Variants in FAH observed in about 807,000 individuals in gnomAD.
FAH encodes the protein fumarylacetoacetase.
FAH carries 47 observed loss-of-function variants against 55.8 expected under a neutral mutation model. The observed-to-expected ratio is 0.84, with a 90% CI of 0.67 to 1.07. The LOEUF (loss-of-function observed/expected upper bound fraction) is 1.07, where lower values mean the gene tolerates loss of function less well. FAH is among the 50% of genes least tolerant of loss of function. FAH has a pLI of 0.00. For missense variants in FAH, 495 were observed against 545.9 expected (o/e 0.91, Z 0.93); for synonymous variants, 199 against 207.7 (o/e 0.96, Z 0.36).
chr15:80,178,828 T>G (rs2041306180), intron 11 of FAH, among the ~76,000 whole-genome samples: 1 of 152,072 alleles, frequency 6.6e-6, no homozygotes, highest in South Asian at 2.1e-4. Context: ...GACCTTGTGA[T>G]CCGCCCGCCT....
At chr15:80,171,971 C>T (rs2041244729) in intron 7 of FAH, among the ~76,000 whole-genome samples, 178 bp from the exon 8 acceptor site, 1 of 152,214 alleles carries the variant, frequency 6.6e-6, no homozygotes, top group African/African-American at 2.4e-5. Flanking sequence ...CTGCACTCTG[C>T]TTTCCTGAGG....
At chr15:80,182,705 G>A (rs2041341241) in intron 13 of FAH, among the ~76,000 whole-genome samples, 1 of 152,194 alleles carries the variant, frequency 6.6e-6, no homozygotes, top group Non-Finnish European at 1.5e-5. Flanking sequence ...CTGATAGAAG[G>A]CAGGTTACTT....
rs1248500870 is a variant in FAH at position 80,158,140 on chromosome 15, C to T, written c.162C>T (p.Val54=). The change falls in exon 2 of 14, where the codon GTC becomes GTT. Residue 54 remains valine, a synonymous_variant. Transcript: ENST00000561421. ...SIIKHLFTGP[V]LSKHQDVFNQ... ...TCAAGCACCTCTTTACTGGTCCTGTCCTCTCCAAACACCAGGATGTCTTCA... is the reference window on the plus strand; with the variant it reads ...TCAAGCACCTCTTTACTGGTCCTGTTCTCTCCAAACACCAGGATGTCTTCA... 1.2e-6 allele frequency: 2 copies of T among 1,613,806 alleles called. No individual in the cohort carries two copies. Among genetic ancestry groups the T allele is most frequent in the African/African-American group, 2.7e-5 (2 of 74,934 alleles).
At chr15:80,174,964 G>T in intron 9 of FAH, 52 bp from the exon 10 acceptor site, 2 of 1,552,120 alleles carry the variant, frequency 1.3e-6, no homozygotes, top group Non-Finnish European at 1.8e-6. Flanking sequence ...GCCCAGCCGG[G>T]TGAGCTCAGC....
At position 80,159,802 on chromosome 15, in the gene FAH, A is replaced by T; in HGVS notation, c.239A>T (p.Glu80Val). 2 of 1,614,210 alleles carry T rather than the reference A, an allele frequency of 1.2e-6. No individual in the cohort carries two copies. The highest frequency in any genetic ancestry group is 1.7e-6 in the Non-Finnish European group (2 of 1,180,030). The change falls in exon 3 of 14, where the codon GAG becomes GTG. Residue 80 changes from glutamate (E) to valine (V), a missense_variant. Transcript: ENST00000561421. ...FMGLGQAAWKEARVFLQNLLS... is the reference protein window; with the variant it reads ...FMGLGQAAWKVARVFLQNLLS... The stretch of plus-strand genomic sequence containing the variant: ...GGCCTGGGTCAGGCTGCCTGGAAGG[A>T]GGCGAGAGTGTTCTTGCAGAACTTG...
intron 9 of FAH, 72 bp downstream of exon 9, chr15:80,173,216 G>T: frequency 2.5e-6 from 4 of 1,598,246 alleles, no homozygotes; most frequent in Non-Finnish European, 3.4e-6. Flanking sequence ...CCACTGAGTG[G>T]ACATGCCAGG....
At chr15:80,178,117 T>C (rs563912744) in intron 11 of FAH, among the ~76,000 whole-genome samples, 17 of 152,224 alleles carry the variant, frequency 1.1e-4, no homozygotes, top group African/African-American at 4.1e-4. Context: ...GGAGGATCGC[T>C]TGAGCCCAGG....
intron 2 of FAH, among the ~76,000 whole-genome samples, 157 bp from the exon 3 acceptor site, chr15:80,159,599 T>C (rs147995559): frequency 6.6e-6 from 1 of 152,284 alleles, no homozygotes; most frequent in Non-Finnish European, 1.5e-5. Context: ...TCCAGGTTGA[T>C]GAATAAATGA....
intron 13 of FAH, among the ~76,000 whole-genome samples, chr15:80,184,966 T>G (rs575846331): frequency 2.0e-5 from 3 of 152,324 alleles, no homozygotes; most frequent in Non-Finnish European, 2.9e-5. Context: ...ATCTCTCGTC[T>G]GGACCTCCCA....
intron 13 of FAH, among the ~76,000 whole-genome samples, chr15:80,182,999 G>A (rs1464715994): frequency 6.6e-6 from 1 of 152,226 alleles, no homozygotes; most frequent in Non-Finnish European, 1.5e-5. Flanking sequence ...GGGCCTGGGA[G>A]AAAGGAGGCT....
At chr15:80,183,558 T>A (rs2041347341) in intron 13 of FAH, among the ~76,000 whole-genome samples, 1 of 152,216 alleles carries the variant, frequency 6.6e-6, no homozygotes, top group Admixed American at 6.5e-5. Flanking sequence ...TTTCTTCAGC[T>A]CTTCCCGGCT....
At chr15:80,157,840 A>G in intron 1 of FAH, 1 of 593,664 alleles carries the variant, frequency 1.7e-6, no homozygotes, top group Non-Finnish European at 3.0e-6. Flanking sequence ...TTTCTTTCCC[A>G]TTCAGGGAAC....
intron 1 of FAH, chr15:80,157,802 C>G (rs952949153): frequency 1.9e-6 from 1 of 531,576 alleles, no homozygotes; most frequent in Non-Finnish European, 3.4e-6. Context: ...AGGCTGACTG[C>G]TCTTCCCCCA....
intron 9 of FAH, among the ~76,000 whole-genome samples, chr15:80,174,178 G>A (rs2041263935): frequency 1.3e-5 from 2 of 152,076 alleles, no homozygotes; most frequent in Admixed American, 1.3e-4. Context: ...TTTCTCTCTA[G>A]CTGGCAGCGG....
At position 80,153,013 on chromosome 15, in the gene FAH, C is replaced by T; in HGVS notation, c.-42C>T. ...CGGCCGAGTTCAGTCCTGCTCTCCG[C>T]ACGCCACCTTAGGCCCGCAGCCGTG... is the stretch of plus-strand genomic sequence containing the variant. On this transcript the variant is annotated 5_prime_UTR_variant, in exon 1 of 14. Coordinates refer to ENST00000561421, the MANE Select transcript of FAH (RefSeq NM_000137.4). 1 of 1,581,110 alleles carries T rather than the reference C, an allele frequency of 6.3e-7. No homozygotes were observed. Among genetic ancestry groups the T allele is most frequent in the East Asian group, 2.2e-5 (1 of 44,708 alleles).
At chr15:80,159,675 C>G in intron 2 of FAH, 81 bp from the exon 3 acceptor site, 1 of 1,560,222 alleles carries the variant, frequency 6.4e-7, no homozygotes, top group South Asian at 1.1e-5. Flanking sequence ...GGCTGGCAGG[C>G]TGGCTGGCCT....
At chr15:80,172,992 T>A (rs1487577029) in intron 8 of FAH, 22 bp from the exon 9 acceptor site, 1 of 1,614,094 alleles carries the variant, frequency 6.2e-7, no homozygotes, top group African/African-American at 1.3e-5. Context: ...TTGTAAGTCC[T>A]GGCTGTGCCC....
At chr15:80,174,424 A>G (rs1049175753) in intron 9 of FAH, among the ~76,000 whole-genome samples, 19 of 152,224 alleles carry the variant, frequency 1.2e-4, no homozygotes, top group African/African-American at 4.6e-4. Flanking sequence ...AGGGAACTTT[A>G]TATTCCTACT....
intron 13 of FAH, 43 bp downstream of exon 13, chr15:80,181,202 G>T (rs775900907): frequency 7.2e-7 from 1 of 1,381,456 alleles, no homozygotes; most frequent in Admixed American, 1.7e-5. Context: ...CTCCTTGCCC[G>T]CCATGCACTG....
Sources: allele counts gnomAD v4.1 joint callset (sites outside exome capture counted in the v4.1 genomes callset), GRCh38; gene constraint gnomAD v4.1.1; transcripts MANE v1.5; gene names NCBI Gene and HGNC (gene_info 2026-07-23, HGNC 2026-07-21).